The following RASA3 variants were observed in gnomAD, a reference collection of about 807,000 sequenced individuals.
The protein encoded by RASA3 is ras GTPase-activating protein 3.
Under a neutral mutation model 110.0 loss-of-function variants are expected in RASA3, and 73 were observed. That is an observed-to-expected ratio of 0.66 (90% CI 0.55 to 0.81). RASA3 has a LOEUF of 0.81. Among genes scored for constraint, RASA3 ranks in the 30% least tolerant of loss-of-function variants. RASA3 has a pLI of 0.00. For missense variants in RASA3, 976 were observed against 1,113.2 expected, an observed-to-expected ratio of 0.88 and a Z score of 1.75; for synonymous variants, 500 against 451.4, an observed-to-expected ratio of 1.11 and a Z score of -1.37.
At chr13:114,043,153 G>A (rs1178808566) in intron 3 of RASA3, among the ~76,000 whole-genome samples, 1 of 152,128 alleles carries the variant, frequency 6.6e-6, no homozygotes, top group East Asian at 1.9e-4. Context: ...TCTGAGACAC[G>A]CCCAGCTCAG....
intron 19 of RASA3, 29 bp from the exon 20 acceptor site, chr13:113,999,696 G>A (rs531362971): frequency 6.3e-7 from 1 of 1,596,230 alleles, no homozygotes; most frequent in South Asian, 1.1e-5. Context: ...GTCAGTGGGT[G>A]CGGGCCCCGC....
At chr13:113,990,798 CT>C (rs1466430782) in intron 22 of RASA3, among the ~76,000 whole-genome samples, 1 of 152,230 alleles carries the variant, frequency 6.6e-6, no homozygotes, top group Non-Finnish European at 1.5e-5. Context: ...GTATTGTTGC[CT>C]TGCCTGTCTG....
chr13:114,078,166 C>G lies in RASA3; in HGVS notation c.56-4329G>C, dbSNP rs1042330806. Among the ~76,000 whole-genome samples the G allele has an allele frequency of 2.6e-5, 4 of 152,206 alleles. No individual in the cohort carries two copies. In the South Asian group the frequency reaches 8.3e-4, roughly 31 times the overall value. Reference sequence around the variant, plus strand: ...GGCCTCGCCGTGTGTGCCACATGCACCAGGACCGAGCCTCTCCCTGCAGCC... The same window carrying G: ...GGCCTCGCCGTGTGTGCCACATGCAGCAGGACCGAGCCTCTCCCTGCAGCC... On this transcript the variant is annotated intron_variant, in intron 1 of 23. Coordinates refer to ENST00000334062, the MANE Select transcript of RASA3 (RefSeq NM_007368.4).
At chr13:114,037,981 C>G (rs555822401) in intron 4 of RASA3, among the ~76,000 whole-genome samples, 4 of 151,914 alleles carry the variant, frequency 2.6e-5, no homozygotes, top group Non-Finnish European at 5.9e-5. Context: ...CACGGCCTTC[C>G]GTTTTCAGGG....
At chr13:114,035,715 G>A (rs118083850) in intron 4 of RASA3, 1,596 of 152,440 alleles carry the variant, frequency 0.01, 18 homozygotes, top group Middle Eastern at 0.065. Context: ...CACGCCGGCC[G>A]CAGAGAGGAG....
chr13:113,981,688 T>A lies in RASA3; in HGVS notation c.2416A>T (p.Lys806Ter). 1.2e-6 allele frequency: 2 copies of A among 1,613,884 alleles called. No individual in the cohort carries two copies. Among genetic ancestry groups the A allele is most frequent in the Non-Finnish European group, 1.7e-6 (2 of 1,179,898 alleles). Residue 806 changes from lysine (K) to a stop codon, truncating the protein, a stop_gained, in exon 23 of 24, where the codon AAA (lysine) becomes TAA (stop). Coordinates refer to ENST00000334062, the MANE Select transcript of RASA3 (RefSeq NM_007368.4). LOFTEE classifies it high-confidence loss of function. ...AGTGGCACTCACTGGCTTCCATATT[T>A]CGTCTTCTTGAACTTGTCCCTCTTA... ...QYKRDKFKKT[K>*]YGSQEHPIGD...
intron 1 of RASA3, among the ~76,000 whole-genome samples, chr13:114,117,829 G>A (rs1251932746): frequency 1.4e-5 from 2 of 146,506 alleles, no homozygotes; most frequent in Non-Finnish European, 3.0e-5. Context: ...GTGCACGTGT[G>A]TGAGGGGTGC....
chr13:114,067,212 G>C (rs1170649980), intron 2 of RASA3, among the ~76,000 whole-genome samples: 1 of 144,282 alleles, frequency 6.9e-6, no homozygotes, highest in African/African-American at 2.6e-5. Context: ...CCCCCCACCT[G>C]GGGCACTTCT....
chr13:114,125,333 A>C (rs2080431012), intron 1 of RASA3, among the ~76,000 whole-genome samples: 1 of 152,202 alleles, frequency 6.6e-6, no homozygotes, highest in African/African-American at 2.4e-5. Context: ...TGCAAGCCGT[A>C]CAGGAAGTAT....
intron 4 of RASA3, among the ~76,000 whole-genome samples, chr13:114,035,111 G>A (rs2054255633): frequency 6.6e-6 from 1 of 152,224 alleles, no homozygotes; most frequent in African/African-American, 2.4e-5. Flanking sequence ...TGAGAAAAAT[G>A]AGTAAACTAA....
rs1401263187 is a variant in RASA3 at position 114,014,104 on chromosome 13, C to CTGTCTCTCTCTCTCTCTCCT, written c.1406-876_1406-857dup. Among the ~76,000 whole-genome samples the CTGTCTCTCTCTCTCTCTCCT allele has an allele frequency of 2.0e-5, 3 of 149,696 alleles. No individual in the cohort carries two copies. The highest frequency in any genetic ancestry group is 3.0e-5 in the Non-Finnish European group (2 of 67,698). ...TCTCTGCCTCTCTCTCCGTCTCTCC[C>CTGTCTCTCTCTCTCTCTCCT]TGTCTCTCTCTCTCTCTCCTTGTCT... On this transcript the variant is annotated intron_variant, in intron 14 of 23. Transcript: ENST00000334062. This position sits in a 1 kb window ranked among gnomAD's most constrained non-coding sequence, Gnocchi z 4.5.
intron 1 of RASA3, among the ~76,000 whole-genome samples, chr13:114,080,157 A>G (rs1263082513): frequency 6.6e-6 from 1 of 152,192 alleles, no homozygotes; most frequent in Non-Finnish European, 1.5e-5. Context: ...AGCCAGGCCC[A>G]GGTCTTGTCC....
At chr13:114,117,437 A>C (rs1312572389) in intron 1 of RASA3, among the ~76,000 whole-genome samples, 3 of 124,516 alleles carry the variant, frequency 2.4e-5, no homozygotes, top group Non-Finnish European at 4.9e-5. Flanking sequence ...TCCTGTATGC[A>C]CATCTGTGGG....
intron 8 of RASA3, among the ~76,000 whole-genome samples, 148 bp downstream of exon 8, chr13:114,024,125 TCAACTA>T (rs1458311870): frequency 5.3e-5 from 8 of 152,264 alleles, no homozygotes; most frequent in African/African-American, 1.9e-4. Flanking sequence ...GGCTGTCACT[TCAACTA>T]CAACTTCTAA....
At chr13:114,074,461 T>A in intron 1 of RASA3, among the ~76,000 whole-genome samples, 1 of 152,228 alleles carries the variant, frequency 6.6e-6, no homozygotes. Context: ...TTCCCTTCTA[T>A]TTTAAGGTTG....
chr13:114,123,279 A>G (rs1464889241), intron 1 of RASA3, among the ~76,000 whole-genome samples: 1 of 152,222 alleles, frequency 6.6e-6, no homozygotes, highest in East Asian at 1.9e-4. Context: ...GACAAGATCA[A>G]GGCAAACTAG....
chr13:114,022,710 G>C (rs2053951825), intron 8 of RASA3, among the ~76,000 whole-genome samples: 1 of 152,230 alleles, frequency 6.6e-6, no homozygotes, highest in African/African-American at 2.4e-5. Context: ...AAAATGTGCT[G>C]AGTGGCCAGG....
chr13:114,010,406 C>A (rs943386348), intron 16 of RASA3, among the ~76,000 whole-genome samples: 4 of 152,046 alleles, frequency 2.6e-5, no homozygotes, highest in African/African-American at 9.7e-5. Flanking sequence ...ACCAGGAGCA[C>A]TGCCCCCGGG....
At position 114,024,738 on chromosome 13, in the gene RASA3, G is replaced by A. The variant is rs958557514; in HGVS notation, c.604-383C>T. ...CTGCCGTGGAGACGAAGCCAGCGCC[G>A]CCCTCCCGTGGCCCCACCTCAAGGC... On this transcript the variant is annotated intron_variant, in intron 7 of 23. Coordinates refer to ENST00000334062, the MANE Select transcript of RASA3 (RefSeq NM_007368.4). Among the ~76,000 whole-genome samples, 25 of 152,310 alleles carry A rather than the reference G, an allele frequency of 1.6e-4. 1 individual carries two copies. Among genetic ancestry groups the A allele is most frequent in the African/African-American group, 4.8e-4 (20 of 41,562 alleles).
Sources: allele counts gnomAD v4.1 joint callset (sites outside exome capture counted in the v4.1 genomes callset), GRCh38; gene constraint gnomAD v4.1.1; non-coding constraint Gnocchi (gnomAD v3.1); transcripts MANE v1.5; gene names NCBI Gene and HGNC (gene_info 2026-07-23, HGNC 2026-07-21).